Variants in CERT1 observed in about 807,000 individuals in gnomAD.
The protein encoded by CERT1 is ceramide transporter 1, also known as ceramide transfer protein.
Under a neutral mutation model 87.9 loss-of-function variants are expected in CERT1, and 31 were observed. The ratio of observed to expected loss-of-function variants is 0.35; its 90% CI spans 0.27 to 0.48. The LOEUF is 0.48. Among genes scored for constraint, CERT1 ranks in the 20% least tolerant of loss-of-function variants. The probability of loss-of-function intolerance (pLI) is 0.99; values close to 1 mark genes in which losing one functional copy is unlikely to be tolerated. For synonymous variants in CERT1, 289 were observed against 250.9 expected (o/e 1.15, Z -1.44); for missense variants, 487 against 758.0 (o/e 0.64, Z 4.20).
intron 3 of CERT1, among the ~76,000 whole-genome samples, chr5:75,429,755 T>C (rs1447707036): frequency 6.6e-6 from 1 of 150,510 alleles, no homozygotes; most frequent in Non-Finnish European, 1.5e-5. Context: ...TAAGAGCCCA[T>C]GGTCACCATA....
chr5:75,408,335 T>C (rs1762795941), intron 8 of CERT1, among the ~76,000 whole-genome samples: 1 of 152,194 alleles, frequency 6.6e-6, no homozygotes, highest in Non-Finnish European at 1.5e-5. Context: ...CAGGTAGACA[T>C]ATAGCTTAGA....
chr5:75,420,761 G>A (rs1333095072), intron 5 of CERT1, among the ~76,000 whole-genome samples: 1 of 152,066 alleles, frequency 6.6e-6, no homozygotes, highest in African/African-American at 2.4e-5. Flanking sequence ...CACTCATAAT[G>A]CAAATTCCTG....
chr5:75,433,665 T>G (rs1763963446), intron 3 of CERT1, among the ~76,000 whole-genome samples: 1 of 152,084 alleles, frequency 6.6e-6, no homozygotes, highest in Admixed American at 6.6e-5. Context: ...GGACTACAAG[T>G]GCATGCCACT....
intron 2 of CERT1, among the ~76,000 whole-genome samples, chr5:75,462,358 C>T (rs930407637): frequency 6.6e-5 from 10 of 152,202 alleles, no homozygotes; most frequent in Non-Finnish European, 1.3e-4. Flanking sequence ...GATCATCAGG[C>T]ATTAGATTCT....
intron 11 of CERT1, among the ~76,000 whole-genome samples, chr5:75,395,805 G>A (rs1194331986): frequency 2.6e-5 from 4 of 151,844 alleles, no homozygotes; most frequent in East Asian, 1.9e-4. Context: ...AGTTGAGATC[G>A]TGCCACTGCA....
At chr5:75,374,417 A>AG, downstream of CERT1, 1 of 566,014 alleles carries the variant, frequency 1.8e-6, no homozygotes, top group Non-Finnish European at 3.2e-6. Context: ...TTCAAAAGTT[A>AG]GAAAAAAAAA....
intron 3 of CERT1, among the ~76,000 whole-genome samples, chr5:75,442,228 T>C (rs772417724): frequency 2.0e-5 from 3 of 152,240 alleles, no homozygotes; most frequent in Non-Finnish European, 2.9e-5. Flanking sequence ...TTGTCCAGTA[T>C]GCTTACATTT....
chr5:75,495,824 G>A (rs551148112), intron 2 of CERT1, among the ~76,000 whole-genome samples: 1 of 152,050 alleles, frequency 6.6e-6, no homozygotes, highest in African/African-American at 2.4e-5. Context: ...CATGCTAAAT[G>A]ACGAGTTAAT....
chr5:75,429,983 C>T lies in CERT1; in HGVS notation c.349-3505G>A, dbSNP rs181686584. ...CTCAAAGGAGGAGGAAACTTGTCCC[C>T]ACCCCCAACATCAATAATCAGATGA... On this transcript the variant is annotated intron_variant, in intron 3 of 16. Coordinates refer to ENST00000643780, the MANE Select transcript of CERT1 (RefSeq NM_001379029.1). Among the ~76,000 whole-genome samples, 1,005 of 151,824 alleles carry T rather than the reference C, an allele frequency of 6.6e-3. 2 individuals carry two copies. The highest frequency in any genetic ancestry group is 0.01 in the Non-Finnish European group (710 of 67,948).
chr5:75,400,163 C>G, intron 10 of CERT1, 42 bp downstream of exon 10: 1 of 1,328,130 alleles, frequency 7.5e-7, no homozygotes. Context: ...CAATGAAGAA[C>G]AATACAAGGT....
At chr5:75,457,984 AT>A (rs1765071642) in intron 3 of CERT1, among the ~76,000 whole-genome samples, 2 of 135,924 alleles carry the variant, frequency 1.5e-5, no homozygotes, top group South Asian at 4.5e-4. Context: ...TGTGTGTGGT[AT>A]GTGTGTGTGT....
intron 7 of CERT1, among the ~76,000 whole-genome samples, chr5:75,414,581 G>C (rs1763065341): frequency 6.6e-6 from 1 of 152,010 alleles, no homozygotes; most frequent in Non-Finnish European, 1.5e-5. Context: ...CCTAATTTTA[G>C]AATTTTTGGT....
intron 11 of CERT1, among the ~76,000 whole-genome samples, chr5:75,391,184 T>C (rs1457844416): frequency 6.6e-6 from 1 of 152,210 alleles, no homozygotes; most frequent in African/African-American, 2.4e-5. Flanking sequence ...CTTGAACTCC[T>C]GGTCCCAAGT....
chr5:75,370,491 T>C (rs1482353237), intron 17 of CERT1: 1 of 152,228 alleles, frequency 6.6e-6, no homozygotes, highest in Admixed American at 6.5e-5. Context: ...CAAGTGAATA[T>C]GGCTTCTCTA....
At chr5:75,464,375 G>T (rs1220428708) in intron 2 of CERT1, among the ~76,000 whole-genome samples, 1 of 152,006 alleles carries the variant, frequency 6.6e-6, no homozygotes, top group Non-Finnish European at 1.5e-5. Flanking sequence ...TAACATTAGA[G>T]GCCCTACTCT....
chr5:75,387,429 C>A (rs1761838325), intron 12 of CERT1, among the ~76,000 whole-genome samples: 2 of 152,036 alleles, frequency 1.3e-5, no homozygotes, highest in Non-Finnish European at 1.5e-5. Context: ...TCTTCCCTAT[C>A]AGCTTGATCT....
rs756491643 is a variant in CERT1, at chr5:75,381,950, G to A, written c.1616C>T (p.Pro539Leu). 4.8e-5 allele frequency: 78 copies of A among 1,612,162 alleles called. 1 individual carries two copies. The Admixed American group carries it at 5.8e-4, about 12-fold the overall frequency. Residue 539 changes from proline (P) to leucine (L), a missense_variant and splice_region_variant, in exon 15 of 17, where the codon CCT (proline) becomes CTT (leucine). Pro to Leu is a moderately conservative substitution (Grantham distance 98). Transcript: ENST00000643780. ...ACACATTTATATACATGTACTTACA[G>A]GAGCACTGTCATGATCCACAGAAAA... ...CNFSVDHDSAPLNNRCVRAKI... is the reference protein window; with the variant it reads ...CNFSVDHDSALLNNRCVRAKI...
chr5:75,427,357 G>T (rs1763659109), intron 3 of CERT1, among the ~76,000 whole-genome samples: 1 of 152,178 alleles, frequency 6.6e-6, no homozygotes, highest in Non-Finnish European at 1.5e-5. Flanking sequence ...CCAGAACTTT[G>T]GGAGGCCAAG....
chr5:75,372,075 T>C (rs915853350), intron 17 of CERT1: 2 of 152,210 alleles, frequency 1.3e-5, no homozygotes, highest in African/African-American at 4.8e-5. Context: ...ACAGAATCAA[T>C]TGCAAAAGTA....
Sources: allele counts gnomAD v4.1 joint callset (sites outside exome capture counted in the v4.1 genomes callset), GRCh38; gene constraint gnomAD v4.1.1; transcripts MANE v1.5; gene names NCBI Gene and HGNC (gene_info 2026-07-23, HGNC 2026-07-21).